The following CD226 variants were observed in gnomAD, a reference collection of about 807,000 sequenced individuals.
CD226 encodes CD226 antigen.
A neutral mutation model predicts 34.9 loss-of-function variants in CD226; 24 were observed. The ratio of observed to expected loss-of-function variants is 0.69; its 90% CI spans 0.50 to 0.97. CD226 has a LOEUF of 0.97. Ranked by LOEUF, CD226 falls within the 50% of genes least tolerant of loss-of-function variation. CD226 has a pLI of 0.00. For missense variants in CD226, 397 were observed against 412.7 expected (o/e 0.96, Z 0.33); for synonymous variants, 148 against 147.4 (o/e 1.00, Z -0.03).
upstream of CD226, among the ~76,000 whole-genome samples, chr18:69,960,239 TA>T (rs552196121): frequency 7.8e-3 from 992 of 126,414 alleles, 2 homozygotes; most frequent in African/African-American, 0.018. Context: ...GACTCCATCT[TA>T]AAAAAAAAAA....
intron 2 of CD226, among the ~76,000 whole-genome samples, chr18:69,905,537 G>A (rs2055242244): frequency 6.6e-6 from 1 of 152,196 alleles, no homozygotes; most frequent in African/African-American, 2.4e-5. Flanking sequence ...GGCAGAGAAG[G>A]AGAGTGAGTG....
intron 3 of CD226, among the ~76,000 whole-genome samples, chr18:69,884,258 G>A (rs955521684): frequency 7.9e-5 from 12 of 152,242 alleles, no homozygotes; most frequent in African/African-American, 2.2e-4. Flanking sequence ...TGATTCCTAG[G>A]CCTGGGAACA....
rs973134562 is a variant in CD226, at chr18:69,862,170, C to A, written c.*2144G>T. ...ACCATGACAATGGTATCTGACTATA[C>A]TGTCCCTTCCACACCCAGTCATAAT... On this transcript the variant is annotated 3_prime_UTR_variant, in exon 6 of 6. Transcript: ENST00000582621. 6.6e-6 allele frequency: 1 copy of A among 152,142 alleles called. No individual in the cohort carries two copies. The highest frequency in any genetic ancestry group is 1.5e-5 in the Non-Finnish European group (1 of 67,988). 9.4% of individuals were successfully genotyped at this position (152,142 alleles called of 1,614,324 possible). A position where few individuals can be genotyped will look rare whatever the true frequency, so the allele number is the denominator to read the frequency against.
chr18:69,912,860 C>G (rs183612187), intron 2 of CD226, among the ~76,000 whole-genome samples: 49 of 151,994 alleles, frequency 3.2e-4, no homozygotes, highest in African/African-American at 1.2e-3. Context: ...TGGATCTAAT[C>G]ACTTGTAACA....
intron 2 of CD226, among the ~76,000 whole-genome samples, chr18:69,929,395 T>A (rs2055562422): frequency 6.6e-6 from 1 of 152,180 alleles, no homozygotes; most frequent in African/African-American, 2.4e-5. Flanking sequence ...AGGTCCTTTT[T>A]CTCCCTATAT....
chr18:69,919,396 T>C (rs1317821080), intron 2 of CD226, among the ~76,000 whole-genome samples: 2 of 152,158 alleles, frequency 1.3e-5, no homozygotes, highest in Non-Finnish European at 2.9e-5. Context: ...ATCTAAAATA[T>C]TGTCAAAAGA....
chr18:69,922,522 C>T (rs1239975988), intron 2 of CD226, among the ~76,000 whole-genome samples: 6 of 152,208 alleles, frequency 3.9e-5, no homozygotes, highest in Non-Finnish European at 8.8e-5. Context: ...CTCAAGCAAT[C>T]CTCCTGCCTC....
chr18:69,949,707 CCA>C (rs552932456), upstream of CD226, among the ~76,000 whole-genome samples: 31 of 151,372 alleles, frequency 2.0e-4, no homozygotes, highest in Middle Eastern at 3.5e-3. Context: ...ACATATGCAC[CCA>C]CACATGCTCT....
intron 2 of CD226, among the ~76,000 whole-genome samples, chr18:69,896,472 C>T (rs1261964165): frequency 6.6e-6 from 1 of 152,196 alleles, no homozygotes; most frequent in African/African-American, 2.4e-5. Context: ...TGAGCCACCG[C>T]ACCCAGTTGT....
At chr18:69,935,813 C>G (rs1173603300) in intron 2 of CD226, among the ~76,000 whole-genome samples, 1 of 152,150 alleles carries the variant, frequency 6.6e-6, no homozygotes, top group African/African-American at 2.4e-5. Flanking sequence ...CAAGCATACC[C>G]CTACTCTACA....
chr18:69,866,366 C>G (rs1983144149), intron 5 of CD226, among the ~76,000 whole-genome samples: 1 of 152,122 alleles, frequency 6.6e-6, no homozygotes. Context: ...CATGAAAATA[C>G]ATATCCCTCT....
chr18:69,889,049 A>G (rs891954608), intron 3 of CD226, among the ~76,000 whole-genome samples: 1 of 152,294 alleles, frequency 6.6e-6, no homozygotes, highest in Admixed American at 6.5e-5. Context: ...GCAATAGATC[A>G]TTAAAAAAAA....
chr18:69,934,867 T>C (rs753004966), intron 2 of CD226, among the ~76,000 whole-genome samples: 1 of 152,198 alleles, frequency 6.6e-6, no homozygotes, highest in Non-Finnish European at 1.5e-5. Context: ...CCCTGAAGGA[T>C]TGACTTGATG....
chr18:69,875,125 A>ATTTATTTTATTTTAAT (rs1983784966), intron 3 of CD226, among the ~76,000 whole-genome samples: 1 of 151,890 alleles, frequency 6.6e-6, no homozygotes, highest in Non-Finnish European at 1.5e-5. Flanking sequence ...TGATAGCTTT[A>ATTTATTTTATTTTAAT]TTTATTTTAT....
At chr18:69,931,684 T>C (rs2055591193) in intron 2 of CD226, among the ~76,000 whole-genome samples, 1 of 152,184 alleles carries the variant, frequency 6.6e-6, no homozygotes. Flanking sequence ...TTTTTTAAAA[T>C]GTAAGACCTG....
chr18:69,928,500 G>A (rs768528551), intron 2 of CD226, among the ~76,000 whole-genome samples: 13 of 152,130 alleles, frequency 8.5e-5, no homozygotes, highest in Admixed American at 4.6e-4. Flanking sequence ...AACAACATCC[G>A]GGGGAATGCA....
At chr18:69,942,379 T>G (rs1337327897) in intron 2 of CD226, among the ~76,000 whole-genome samples, 1 of 152,224 alleles carries the variant, frequency 6.6e-6, no homozygotes, top group Non-Finnish European at 1.5e-5. Context: ...CTGCAAACTC[T>G]TACTCTCCTA....
upstream of CD226, among the ~76,000 whole-genome samples, chr18:69,950,104 TCACA>T (rs919144482): frequency 6.6e-6 from 1 of 151,594 alleles, no homozygotes; most frequent in South Asian, 2.1e-4. Context: ...ATACATGTTC[TCACA>T]CATGCTCACA....
intron 1 of CD226, among the ~76,000 whole-genome samples, chr18:69,954,079 TA>T (rs2055876974): frequency 2.0e-5 from 3 of 152,150 alleles, no homozygotes; most frequent in African/African-American, 7.2e-5. Flanking sequence ...CCTCAATTTT[TA>T]AAAATTGTTA....
Sources: allele counts gnomAD v4.1 joint callset (sites outside exome capture counted in the v4.1 genomes callset), GRCh38; gene constraint gnomAD v4.1.1; transcripts MANE v1.5; gene names NCBI Gene and HGNC (gene_info 2026-07-23, HGNC 2026-07-21).